LAMA2: variants seen among roughly 807,000 people sequenced by gnomAD.
The protein encoded by LAMA2 is laminin subunit alpha-2.
In LAMA2, 269 loss-of-function variants were observed where a neutral mutation model predicts 364.8. That is an observed-to-expected ratio of 0.74 (90% CI 0.67 to 0.82). The LOEUF (loss-of-function observed/expected upper bound fraction) is 0.82. LAMA2 is among the 40% of genes least tolerant of loss of function. The probability of loss-of-function intolerance (pLI) is 0.00; values close to 1 mark genes in which losing one functional copy is unlikely to be tolerated. For missense variants in LAMA2, 3,807 were observed against 3,873.2 expected (o/e 0.98, Z 0.45); for synonymous variants, 1,379 against 1,370.6 (o/e 1.01, Z -0.14).
chr6:129,263,329 C>A (rs1216209443), intron 15 of LAMA2, among the ~76,000 whole-genome samples: 4 of 152,028 alleles, frequency 2.6e-5, no homozygotes, highest in Non-Finnish European at 5.9e-5. Context: ...GTGACAAATT[C>A]TATGAAGGAA....
At chr6:129,122,950 A>T (rs911990380) in intron 4 of LAMA2, among the ~76,000 whole-genome samples, 1 of 152,228 alleles carries the variant, frequency 6.6e-6, no homozygotes, top group Admixed American at 6.5e-5. Flanking sequence ...GAGGGAATGT[A>T]AATTGGTTCA....
chr6:129,179,617 C>T (rs1780812024), intron 10 of LAMA2, among the ~76,000 whole-genome samples: 1 of 151,240 alleles, frequency 6.6e-6, no homozygotes, highest in Non-Finnish European at 1.5e-5. Context: ...CCTGTGTAGA[C>T]ACTTGAAGCT....
intron 1 of LAMA2, among the ~76,000 whole-genome samples, chr6:128,889,893 G>T (rs1213299343): frequency 6.6e-6 from 1 of 152,104 alleles, no homozygotes; most frequent in East Asian, 1.9e-4. Context: ...ATTTGGACAC[G>T]TGACATTTAC....
intron 1 of LAMA2, among the ~76,000 whole-genome samples, chr6:128,970,192 A>G (rs940065055): frequency 3.3e-5 from 5 of 152,190 alleles, no homozygotes; most frequent in African/African-American, 9.6e-5. Context: ...ACTCTAAGTC[A>G]TATTTTAGCC....
intron 17 of LAMA2, among the ~76,000 whole-genome samples, chr6:129,271,732 A>G (rs1056285059): frequency 5.3e-5 from 8 of 152,150 alleles, no homozygotes; most frequent in African/African-American, 1.7e-4. Context: ...TTCATATCGT[A>G]TTGTACACTT....
chr6:129,161,641 A>G (rs757616171), intron 8 of LAMA2, among the ~76,000 whole-genome samples: 4 of 152,002 alleles, frequency 2.6e-5, no homozygotes, highest in South Asian at 2.1e-4. Context: ...AAAATTTTCA[A>G]TCTTCACCCC....
chr6:128,909,566 C>A (rs1468720116), intron 1 of LAMA2, among the ~76,000 whole-genome samples: 1 of 148,242 alleles, frequency 6.7e-6, no homozygotes, highest in Non-Finnish European at 1.5e-5. Flanking sequence ...ATACAGCACA[C>A]TGATGGGTCT....
Position 129,190,358 on chromosome 6 carries a change from C to G in LAMA2, c.1608+13C>G. The G allele has an allele frequency of 6.2e-7, 1 of 1,612,422 alleles. No individual in the cohort carries two copies. Among genetic ancestry groups the G allele is most frequent in the Non-Finnish European group, 8.5e-7 (1 of 1,178,748 alleles). On this transcript the variant is annotated intron_variant, in intron 11 of 64. Coordinates refer to ENST00000421865, the MANE Select transcript of LAMA2 (RefSeq NM_000426.4). ...GACCTATGGCAAAGTAAGCAAGCAC[C>G]ATTTGGTTCTGTTTGCTGCCCCAGC... is the stretch of plus-strand genomic sequence containing the variant.
chr6:129,110,786 C>T (rs544694404), intron 4 of LAMA2, among the ~76,000 whole-genome samples: 80 of 152,116 alleles, frequency 5.3e-4, no homozygotes, highest in African/African-American at 1.9e-3. Context: ...AAATGGAACA[C>T]TTAGGTCCAA....
intron 12 of LAMA2, among the ~76,000 whole-genome samples, chr6:129,206,393 T>C (rs987620379): frequency 2.0e-5 from 3 of 152,194 alleles, no homozygotes; most frequent in Non-Finnish European, 4.4e-5. Context: ...TTAACTGGAA[T>C]AGACTTGATT....
At chr6:129,138,517 A>T (rs1037787969) in intron 4 of LAMA2, among the ~76,000 whole-genome samples, 1 of 152,110 alleles carries the variant, frequency 6.6e-6, no homozygotes, top group African/African-American at 2.4e-5. Flanking sequence ...TGAAAGGTCT[A>T]AAGATTTTAT....
intron 22 of LAMA2, among the ~76,000 whole-genome samples, chr6:129,307,355 C>A (rs1402899155): frequency 6.6e-6 from 1 of 152,204 alleles, no homozygotes; most frequent in Non-Finnish European, 1.5e-5. Flanking sequence ...ATGCACCTAT[C>A]AGCATTCAGT....
intron 1 of LAMA2, among the ~76,000 whole-genome samples, chr6:128,976,925 G>T (rs961148474): frequency 6.6e-6 from 1 of 152,126 alleles, no homozygotes; most frequent in Non-Finnish European, 1.5e-5. Context: ...CTAAATTGGG[G>T]TTCCCAGTGT....
At chr6:129,489,677 G>A (rs1444151307) in intron 56 of LAMA2, among the ~76,000 whole-genome samples, 1 of 152,126 alleles carries the variant, frequency 6.6e-6, no homozygotes, top group African/African-American at 2.4e-5. Context: ...ATGAGATAAA[G>A]ATTTTAACAC....
At chr6:128,961,318 GATATATATATATATATATATATAT>G (rs58772123) in intron 1 of LAMA2, among the ~76,000 whole-genome samples, 11,928 of 57,822 alleles carry the variant, frequency 0.21, 1,424 homozygotes, top group East Asian at 0.3. Context: ...GAACTAATAT[GATATATATATATATATATATATAT>G]ATATATATAT....
chr6:129,320,628 C>T lies in LAMA2; in HGVS notation c.4149C>T (p.Pro1383=), dbSNP rs1471242011. The change falls in exon 28 of 65, where the codon CCC becomes CCT. Residue 1383 remains proline (P), a synonymous_variant. Coordinates refer to ENST00000421865, the MANE Select transcript of LAMA2 (RefSeq NM_000426.4). ...ACTTGATTGAAAAATGTGATTGTCCCCTGGGCTATTCTGGCCTGTCCTGTG... is the reference window on the plus strand; with the variant it reads ...ACTTGATTGAAAAATGTGATTGTCCTCTGGGCTATTCTGGCCTGTCCTGTG... ...PADLIEKCDC[P]LGYSGLSCEA... The T allele has an allele frequency of 6.2e-7, 1 of 1,612,306 alleles. No individual in the cohort carries two copies. Among genetic ancestry groups the T allele is most frequent in the Non-Finnish European group, 8.5e-7 (1 of 1,178,458 alleles).
At chr6:129,423,548 G>C (rs1264920708) in intron 40 of LAMA2, among the ~76,000 whole-genome samples, 2 of 151,622 alleles carry the variant, frequency 1.3e-5, no homozygotes, top group Non-Finnish European at 2.9e-5. Context: ...AGTTTAAAAA[G>C]CATAAAATAA....
At chr6:129,039,887 C>T (rs1301913483) in intron 1 of LAMA2, among the ~76,000 whole-genome samples, 1 of 152,162 alleles carries the variant, frequency 6.6e-6, no homozygotes, top group Non-Finnish European at 1.5e-5. Context: ...CTGTGCAGCC[C>T]TGTTCCTAAC....
intron 12 of LAMA2, among the ~76,000 whole-genome samples, chr6:129,246,039 A>ATT (rs532094231): frequency 1.5e-3 from 222 of 152,342 alleles, no homozygotes; most frequent in African/African-American, 5.0e-3. Flanking sequence ...CTTAATAAAT[A>ATT]TTCATGTTTT....
Sources: allele counts gnomAD v4.1 joint callset (sites outside exome capture counted in the v4.1 genomes callset), GRCh38; gene constraint gnomAD v4.1.1; transcripts MANE v1.5; gene names NCBI Gene and HGNC (gene_info 2026-07-23, HGNC 2026-07-21).